NIPA2: variants seen among roughly 807,000 people sequenced by gnomAD.
NIPA2 encodes magnesium transporter NIPA2.
A neutral mutation model predicts 29.7 loss-of-function variants in NIPA2; 11 were observed. That is an observed-to-expected ratio of 0.37 (90% CI 0.23 to 0.61). The LOEUF is 0.61. Ranked by LOEUF, NIPA2 falls within the 20% of genes least tolerant of loss-of-function variation. NIPA2 has a pLI of 0.66. For missense variants in NIPA2, 426 were observed against 437.9 expected, an observed-to-expected ratio of 0.97 and a Z score of 0.24; for synonymous variants, 183 against 161.9, an observed-to-expected ratio of 1.13 and a Z score of -0.99.
At position 22,842,111 on chromosome 15, in the gene NIPA2, C is replaced by T. The variant is rs373045054; in HGVS notation, c.-216+2321C>T. Among the ~76,000 whole-genome samples, 2 of 152,252 alleles carry T rather than the reference C, an allele frequency of 1.3e-5. 1 individual carries two copies. The highest frequency in any genetic ancestry group is 1.3e-4 in the Admixed American group (2 of 15,298). ...AATGTCTTTATTTCGTTTATTATTTCGCCCTACCTCTAGCAGGAGATAACC... is the reference window on the plus strand; with the variant it reads ...AATGTCTTTATTTCGTTTATTATTTTGCCCTACCTCTAGCAGGAGATAACC... On this transcript the variant is annotated intron_variant, in intron 2 of 7. Transcript: ENST00000337451.
At chr15:22,864,289 G>C (rs895707036) in intron 7 of NIPA2, among the ~76,000 whole-genome samples, 3 of 152,002 alleles carry the variant, frequency 2.0e-5, no homozygotes, top group Non-Finnish European at 4.4e-5. Context: ...CGAGTAGCTG[G>C]GACTACAGGC....
intron 3 of NIPA2, among the ~76,000 whole-genome samples, chr15:22,847,370 A>C (rs1287476628): frequency 2.0e-5 from 3 of 152,210 alleles, no homozygotes; most frequent in Admixed American, 2.0e-4. Flanking sequence ...ATAGTGAGCA[A>C]TACAGCTGTC....
intron 5 of NIPA2, among the ~76,000 whole-genome samples, chr15:22,853,615 A>G (rs563336151): frequency 6.6e-6 from 1 of 152,130 alleles, no homozygotes; most frequent in East Asian, 1.9e-4. Context: ...ACCTCAGGTG[A>G]TTCACCTGCC....
chr15:22,853,804 C>CG (rs2057965034), intron 5 of NIPA2, among the ~76,000 whole-genome samples: 1 of 152,118 alleles, frequency 6.6e-6, no homozygotes, highest in Non-Finnish European at 1.5e-5. Flanking sequence ...AACAATTTAT[C>CG]CTTTGCAGGA....
At chr15:22,855,111 C>G (rs62008587) in intron 5 of NIPA2, among the ~76,000 whole-genome samples, 1 of 151,608 alleles carries the variant, frequency 6.6e-6, no homozygotes, top group African/African-American at 2.4e-5. Flanking sequence ...TAAAAAGGCA[C>G]GTGGAAAAAA....
rs774021852 is a variant in NIPA2 at position 22,858,521 on chromosome 15, TTTG to T, written c.197-14_197-12del. On this transcript the variant is annotated splice_polypyrimidine_tract_variant and intron_variant, in intron 5 of 7. Transcript: ENST00000337451. ...CATACATTCTTACCTGAGTTTTTCT[TTTG>T]TTGTCTGTCTCTAAGTGGGAGCTGG... 16 of 1,577,456 alleles carry T rather than the reference TTTG, an allele frequency of 1.0e-5. No homozygotes were observed. The highest frequency in any genetic ancestry group is 1.8e-5 in the Admixed American group (1 of 56,800).
At chr15:22,853,302 T>C (rs1482581806) in intron 5 of NIPA2, 34 bp downstream of exon 5, 4 of 1,346,654 alleles carry the variant, frequency 3.0e-6, no homozygotes, top group Non-Finnish European at 2.1e-6. Flanking sequence ...AAAAATATGA[T>C]AGCTATATAT....
intron 5 of NIPA2, among the ~76,000 whole-genome samples, chr15:22,853,548 G>A (rs888109096): frequency 8.6e-5 from 13 of 151,582 alleles, no homozygotes; most frequent in Non-Finnish European, 1.6e-4. Context: ...CTAATTTTTT[G>A]TATTTTTAGT....
intron 2 of NIPA2, among the ~76,000 whole-genome samples, chr15:22,842,190 G>A (rs978614140): frequency 1.3e-5 from 2 of 152,224 alleles, no homozygotes; most frequent in Non-Finnish European, 2.9e-5. Context: ...CTCAGTAAAC[G>A]TTGGTTGGTT....
At chr15:22,848,068 G>T (rs1219444728) in intron 3 of NIPA2, among the ~76,000 whole-genome samples, 2 of 152,216 alleles carry the variant, frequency 1.3e-5, no homozygotes, top group East Asian at 3.8e-4. Flanking sequence ...AAAGTGCTGG[G>T]ATTACAGGCG....
rs369309474 is a variant in NIPA2, at chr15:22,866,790, C to CG, written c.1027dup (p.Glu343GlyfsTer6). The stretch of plus-strand genomic sequence containing the variant: ...ATGAAGAAAGCTTAACCTGTGGAAT[C>CG]GAACAACACACTGGTGAAAATGTCT... On this transcript the variant is annotated frameshift_variant, in exon 8 of 8. Transcript: ENST00000337451. LOFTEE classifies it high-confidence loss of function. 6.2e-7 allele frequency: 1 copy of CG among 1,611,656 alleles called. No individual in the cohort carries two copies. Among genetic ancestry groups the CG allele is most frequent in the African/African-American group, 1.3e-5 (1 of 74,804 alleles).
chr15:22,859,958 G>T (rs2058503835), intron 6 of NIPA2, among the ~76,000 whole-genome samples: 1 of 151,902 alleles, frequency 6.6e-6, no homozygotes, highest in South Asian at 2.1e-4. Flanking sequence ...AACATAAGAG[G>T]GGTGCATGCA....
Position 22,847,986 on chromosome 15 carries a change from C to T in NIPA2, c.-94+2719C>T, listed in dbSNP as rs575631101. ...CTAATTTTTGTATTTTTAGTAGAGA[C>T]GGGGTTTCTCCATGTTGGTCAGGCT... On this transcript the variant is annotated intron_variant, in intron 3 of 7. Coordinates refer to ENST00000337451, the MANE Select transcript of NIPA2 (RefSeq NM_030922.7). 3.5e-5 allele frequency among the ~76,000 whole-genome samples: 5 copies of T among 144,072 alleles called. No homozygotes were observed. The South Asian group carries it at 1.1e-3, about 31-fold the overall frequency. The allele number at this position is 144,072 out of a possible 152,430, so 94.5% of individuals were successfully genotyped here.
At chr15:22,851,527 A>C (rs924932485) in intron 3 of NIPA2, 112 bp from the exon 4 acceptor site, 1 of 347,740 alleles carries the variant, frequency 2.9e-6, no homozygotes, top group Non-Finnish European at 5.1e-6. Context: ...CAATATTAGT[A>C]ATGAAGGAGC....
At chr15:22,856,854 CTT>C (rs2058214737) in intron 5 of NIPA2, among the ~76,000 whole-genome samples, 1 of 152,148 alleles carries the variant, frequency 6.6e-6, no homozygotes. Context: ...ATTGGCATAA[CTT>C]TTGGAAAAAG....
chr15:22,857,096 C>G (rs1261390225), intron 5 of NIPA2, among the ~76,000 whole-genome samples: 2 of 152,178 alleles, frequency 1.3e-5, no homozygotes, highest in Non-Finnish European at 2.9e-5. Context: ...CTTTTAACCT[C>G]TTGGCACATG....
intron 5 of NIPA2, among the ~76,000 whole-genome samples, chr15:22,856,215 G>A (rs2058166744): frequency 6.6e-6 from 1 of 152,004 alleles, no homozygotes; most frequent in Admixed American, 6.6e-5. Flanking sequence ...TAGTCAGTTG[G>A]AAGGGAAAAA....
chr15:22,843,228 G>A (rs1234898385), intron 2 of NIPA2, among the ~76,000 whole-genome samples: 1 of 152,052 alleles, frequency 6.6e-6, no homozygotes, highest in Non-Finnish European at 1.5e-5. Flanking sequence ...ACTTGGGCCA[G>A]GTGCGGTGGC....
At chr15:22,860,408 G>A (rs2058538797) in intron 6 of NIPA2, among the ~76,000 whole-genome samples, 1 of 152,190 alleles carries the variant, frequency 6.6e-6, no homozygotes, top group African/African-American at 2.4e-5. Context: ...TGGAAAGATG[G>A]TAAGTATACA....
Sources: allele counts gnomAD v4.1 joint callset (sites outside exome capture counted in the v4.1 genomes callset), GRCh38; gene constraint gnomAD v4.1.1; transcripts MANE v1.5; gene names NCBI Gene and HGNC (gene_info 2026-07-23, HGNC 2026-07-21).